CSN3: variants seen among roughly 807,000 people sequenced by gnomAD.
The protein encoded by CSN3 is kappa-casein.
CSN3 carries 7 observed loss-of-function variants against 9.9 expected under a neutral mutation model. That is an observed-to-expected ratio of 0.71 (90% confidence interval 0.40 to 1.33). CSN3 has a LOEUF of 1.33. Ranked by LOEUF, CSN3 falls within the 40% of genes most tolerant of loss-of-function variation. The probability of loss-of-function intolerance (pLI) is 0.01; values close to 1 mark genes in which losing one functional copy is unlikely to be tolerated. For missense variants in CSN3, 253 were observed against 227.9 expected, an observed-to-expected ratio of 1.11 and a Z score of -0.71; for synonymous variants, 88 against 82.3, an observed-to-expected ratio of 1.07 and a Z score of -0.37.
intron 2 of CSN3, 98 bp downstream of exon 2, chr4:70,244,971 G>A (rs1340033075): frequency 1.8e-5 from 10 of 558,752 alleles, no homozygotes; most frequent in Non-Finnish European, 2.4e-5. Flanking sequence ...ATGCTTCATA[G>A]AACAAAATAT....
At chr4:70,251,015 G>C (rs1318855614) in intron 4 of CSN3, among the ~76,000 whole-genome samples, 1 of 152,066 alleles carries the variant, frequency 6.6e-6, no homozygotes, top group African/African-American at 2.4e-5. Flanking sequence ...TTAATAAGTA[G>C]TTACATATTT....
At chr4:70,248,952 T>C (rs775073171) in intron 3 of CSN3, 46 bp from the exon 4 acceptor site, 1 of 1,359,914 alleles carries the variant, frequency 7.4e-7, no homozygotes, top group Admixed American at 2.3e-5. Context: ...ATTTCCACAT[T>C]TGGGTCTATA....
At chr4:70,250,900 A>G (rs1730469901) in intron 4 of CSN3, among the ~76,000 whole-genome samples, 1 of 152,288 alleles carries the variant, frequency 6.6e-6, no homozygotes, top group South Asian at 2.1e-4. Context: ...GTTCAACAGG[A>G]TATCCATTAA....
chr4:70,246,832 C>T (rs1375143231), intron 2 of CSN3, among the ~76,000 whole-genome samples: 1 of 151,772 alleles, frequency 6.6e-6, no homozygotes, highest in African/African-American at 2.4e-5. Context: ...CCACCATGCC[C>T]AGCTAATTTT....
upstream of CSN3, among the ~76,000 whole-genome samples, chr4:70,239,901 A>G (rs1188708461): frequency 1.3e-5 from 2 of 151,934 alleles, no homozygotes; most frequent in East Asian, 3.9e-4. Flanking sequence ...AAGCATACAC[A>G]TTTCTTTTTT....
At chr4:70,247,508 T>C (rs1427314602) in intron 2 of CSN3, among the ~76,000 whole-genome samples, 2 of 152,114 alleles carry the variant, frequency 1.3e-5, no homozygotes, top group Non-Finnish European at 2.9e-5. Context: ...AAATTATTCA[T>C]ATTTTTCATT....
intron 2 of CSN3, 109 bp downstream of exon 2, chr4:70,244,982 C>A: frequency 2.0e-6 from 1 of 508,618 alleles, no homozygotes; most frequent in Non-Finnish European, 3.4e-6. Context: ...AACAAAATAT[C>A]CACATAGTTG....
chr4:70,250,241 A>T (rs997619239), intron 4 of CSN3, among the ~76,000 whole-genome samples: 1 of 152,192 alleles, frequency 6.6e-6, no homozygotes, highest in African/African-American at 2.4e-5. Flanking sequence ...AAATATCCAA[A>T]GAGTGTAAAA....
At chr4:70,241,100 T>C (rs1431398652), upstream of CSN3, among the ~76,000 whole-genome samples, 3 of 152,024 alleles carry the variant, frequency 2.0e-5, no homozygotes, top group Non-Finnish European at 2.9e-5. Flanking sequence ...CTTATTACTC[T>C]AAATAAATGG....
exon 2 of CSN3, chr4:70,244,855 A>G: frequency 6.4e-7 from 1 of 1,569,876 alleles, no homozygotes; most frequent in Non-Finnish European, 8.6e-7. Context: ...ATGCCCTGGC[A>G]TTAACCCTGC....
intron 3 of CSN3, among the ~76,000 whole-genome samples, chr4:70,248,292 T>C (rs1250272809): frequency 1.3e-5 from 2 of 152,160 alleles, no homozygotes; most frequent in East Asian, 3.8e-4. Flanking sequence ...TGTGTCTCGT[T>C]TTAGGAGAAA....
intron 1 of CSN3, among the ~76,000 whole-genome samples, chr4:70,243,792 T>C (rs1381898001): frequency 6.6e-6 from 1 of 152,060 alleles, no homozygotes; most frequent in Non-Finnish European, 1.5e-5. Context: ...ATATACTCTT[T>C]TAGAAAAATA....
intron 4 of CSN3, 84 bp downstream of exon 4, chr4:70,249,577 A>G (rs1414135825): frequency 1.2e-6 from 1 of 830,272 alleles, no homozygotes; most frequent in African/African-American, 1.7e-5. Context: ...AATAGTACAA[A>G]TAGATAAACT....
exon 5 of CSN3, chr4:70,251,275 C>T (rs1730476665): frequency 6.6e-6 from 1 of 152,022 alleles, no homozygotes; most frequent in Non-Finnish European, 1.5e-5. Context: ...TTGCTGAAAC[C>T]AAATTACTAC....
At chr4:70,244,843 C>A in exon 2 of CSN3, 1 of 1,567,712 alleles carries the variant, frequency 6.4e-7, no homozygotes, top group South Asian at 1.3e-5. Context: ...TTCTAGTTGT[C>A]AATGCCCTGG....
chr4:70,239,084 T>C (rs1202537295), upstream of CSN3, among the ~76,000 whole-genome samples: 9 of 151,792 alleles, frequency 5.9e-5, no homozygotes, highest in Admixed American at 4.0e-4. Flanking sequence ...ACTAGAAAGA[T>C]ATTAAAGATA....
chr4:70,247,750 C>T, intron 2 of CSN3, 68 bp from the exon 3 acceptor site: 1 of 1,273,184 alleles, frequency 7.9e-7, no homozygotes, highest in Non-Finnish European at 1.1e-6. Flanking sequence ...ATTTTTTTAA[C>T]TGATTTAAGT....
intron 2 of CSN3, among the ~76,000 whole-genome samples, chr4:70,245,883 C>G (rs1014673944): frequency 1.3e-5 from 2 of 152,066 alleles, no homozygotes; most frequent in East Asian, 1.9e-4. Flanking sequence ...ACTTTGTGGT[C>G]ACCTGAACAT....
chr4:70,246,182 C>A (rs6838077), intron 2 of CSN3, among the ~76,000 whole-genome samples: 17,252 of 152,044 alleles, frequency 0.11, 1,279 homozygotes, highest in East Asian at 0.27. Context: ...TCCCTTCCCC[C>A]AAAATAAAAA....
Sources: allele counts gnomAD v4.1 joint callset (sites outside exome capture counted in the v4.1 genomes callset), GRCh38; gene constraint gnomAD v4.1.1; transcripts MANE v1.5; gene names NCBI Gene and HGNC (gene_info 2026-07-23, HGNC 2026-07-21).